Variants in CUL5 observed in about 807,000 individuals in gnomAD.
CUL5 encodes the protein cullin 5.
CUL5 carries 26 observed loss-of-function variants against 108.8 expected under a neutral mutation model. That is an observed-to-expected ratio of 0.24 (90% CI 0.18 to 0.33). The LOEUF (loss-of-function observed/expected upper bound fraction) is 0.33, where lower values mean the gene tolerates loss of function less well. Ranked by LOEUF, CUL5 falls within the 10% of genes least tolerant of loss-of-function variation. The probability of loss-of-function intolerance (pLI) is 1.00; values close to 1 mark genes in which losing one functional copy is unlikely to be tolerated. For synonymous variants in CUL5, 334 were observed against 298.0 expected, an observed-to-expected ratio of 1.12 and a Z score of -1.25; for missense variants, 524 against 909.2, an observed-to-expected ratio of 0.58 and a Z score of 5.45.
intron 1 of CUL5, among the ~76,000 whole-genome samples, chr11:108,018,480 A>G (rs1862254866): frequency 6.6e-6 from 1 of 152,016 alleles, no homozygotes; most frequent in Non-Finnish European, 1.5e-5. Flanking sequence ...CATCCTGGCC[A>G]ACATGGTGAA....
intron 3 of CUL5, among the ~76,000 whole-genome samples, chr11:108,049,183 A>G (rs1863149064): frequency 6.6e-6 from 1 of 152,084 alleles, no homozygotes. Context: ...TGTTGTCCCT[A>G]TGGATATGTC....
At chr11:108,087,533 G>A (rs375400747) in intron 11 of CUL5, among the ~76,000 whole-genome samples, 1 of 152,190 alleles carries the variant, frequency 6.6e-6, no homozygotes, top group Admixed American at 6.5e-5. Flanking sequence ...GCATGCACCT[G>A]TAGTCCCAGC....
chr11:108,067,247 C>G (rs1000949012), intron 7 of CUL5, among the ~76,000 whole-genome samples: 1 of 152,152 alleles, frequency 6.6e-6, no homozygotes, highest in Non-Finnish European at 1.5e-5. Flanking sequence ...TAAAGGATAC[C>G]TGTTATAATA....
intron 14 of CUL5, 36 bp from the exon 15 acceptor site, chr11:108,094,776 T>C: frequency 6.9e-7 from 1 of 1,453,354 alleles, no homozygotes; most frequent in Non-Finnish European, 9.3e-7. Context: ...TATCCATTGT[T>C]AATTTACTTT....
chr11:108,101,738 G>A (rs1246202989), intron 18 of CUL5, among the ~76,000 whole-genome samples: 1 of 152,084 alleles, frequency 6.6e-6, no homozygotes, highest in Non-Finnish European at 1.5e-5. Flanking sequence ...TGGGGACCAG[G>A]GCCAGTGTCC....
At chr11:108,036,759 G>A (rs748580280) in intron 2 of CUL5, among the ~76,000 whole-genome samples, 25 of 152,198 alleles carry the variant, frequency 1.6e-4, no homozygotes, top group African/African-American at 3.4e-4. Flanking sequence ...GATTACAGGC[G>A]TGAGCCACGG....
At chr11:108,025,363 G>T (rs1355792278) in intron 1 of CUL5, among the ~76,000 whole-genome samples, 3 of 152,048 alleles carry the variant, frequency 2.0e-5, no homozygotes, top group Non-Finnish European at 1.5e-5. Context: ...GTCAGACATT[G>T]TGAGTATATG....
chr11:108,052,934 G>A (rs1036335960), intron 5 of CUL5, 133 bp downstream of exon 5: 8 of 625,572 alleles, frequency 1.3e-5, no homozygotes, highest in Non-Finnish European at 1.8e-5. Flanking sequence ...TACTTTTTTT[G>A]AGAGTAAGCA....
chr11:108,017,023 G>T (rs1862210718), intron 1 of CUL5, among the ~76,000 whole-genome samples: 1 of 152,060 alleles, frequency 6.6e-6, no homozygotes, highest in Non-Finnish European at 1.5e-5. Flanking sequence ...TAATATCAAA[G>T]GTAATTGATC....
intron 13 of CUL5, among the ~76,000 whole-genome samples, chr11:108,090,709 ATTAT>A (rs1864331267): frequency 6.6e-6 from 1 of 152,116 alleles, no homozygotes; most frequent in Non-Finnish European, 1.5e-5. Flanking sequence ...TTTTGTTTTA[ATTAT>A]TAAAGTAAAT....
rs996286515 is a variant in CUL5 at position 108,107,132 on chromosome 11, A to G, written c.*2748A>G. ...AATTCTGAAGTCTTCCAATTTTTAC[A>G]TTTATTGGAGGGGTCCCTGAGTTCT... On this transcript the variant is annotated 3_prime_UTR_variant, in exon 19 of 19. Transcript: ENST00000393094. 1.3e-5 allele frequency: 2 copies of G among 151,938 alleles called. No homozygotes were observed. The highest frequency in any genetic ancestry group is 4.8e-5 in the African/African-American group (2 of 41,364). 9.4% of individuals were successfully genotyped at this position (151,938 alleles called of 1,614,324 possible). A position where few individuals can be genotyped will look rare whatever the true frequency, so the allele number is the denominator to read the frequency against.
intron 7 of CUL5, among the ~76,000 whole-genome samples, chr11:108,060,458 A>C (rs1863505065): frequency 6.6e-6 from 1 of 152,224 alleles, no homozygotes; most frequent in South Asian, 2.1e-4. Flanking sequence ...ACAGAGCTAT[A>C]TAACTAATGA....
intron 1 of CUL5, among the ~76,000 whole-genome samples, chr11:108,020,065 G>A (rs1261221335): frequency 6.6e-6 from 1 of 152,028 alleles, no homozygotes; most frequent in Non-Finnish European, 1.5e-5. Flanking sequence ...ATCTGTACAT[G>A]AGGGATCCAC....
intron 14 of CUL5, 79 bp from the exon 15 acceptor site, chr11:108,094,733 C>G (rs1864446693): frequency 6.0e-6 from 7 of 1,162,746 alleles, no homozygotes; most frequent in Non-Finnish European, 4.8e-6. Flanking sequence ...ATTGATTTTT[C>G]ACCCAAAGTT....
intron 7 of CUL5, among the ~76,000 whole-genome samples, chr11:108,068,878 C>G (rs1224259916): frequency 6.6e-6 from 1 of 152,144 alleles, no homozygotes; most frequent in Non-Finnish European, 1.5e-5. Flanking sequence ...ACCACCCACT[C>G]CTTACCACCT....
At chr11:108,056,575 G>A (rs1354316972) in intron 7 of CUL5, among the ~76,000 whole-genome samples, 2 of 152,146 alleles carry the variant, frequency 1.3e-5, no homozygotes, top group African/African-American at 4.8e-5. Flanking sequence ...TCTTTATAGT[G>A]ATATAAATTC....
chr11:108,015,453 A>AT (rs1268159630), intron 1 of CUL5, among the ~76,000 whole-genome samples: 1 of 152,232 alleles, frequency 6.6e-6, no homozygotes, highest in Non-Finnish European at 1.5e-5. Flanking sequence ...TTAAACATAA[A>AT]TGAGAACCTT....
chr11:108,073,317 T>G, intron 9 of CUL5, 73 bp from the exon 10 acceptor site: 3 of 689,794 alleles, frequency 4.3e-6, no homozygotes, highest in Non-Finnish European at 7.2e-6. Flanking sequence ...TTATTAAAAT[T>G]ATGTTTATTT....
At chr11:108,075,113 C>G (rs776462900) in intron 10 of CUL5, among the ~76,000 whole-genome samples, 9 of 150,940 alleles carry the variant, frequency 6.0e-5, no homozygotes, top group Non-Finnish European at 1.2e-4. Context: ...CAGTTAAGAA[C>G]TTATTTAAAT....
Sources: gnomAD v4.1 joint callset for allele counts (sites outside exome capture counted in the v4.1 genomes callset) on GRCh38, gnomAD v4.1.1 for gene constraint, MANE v1.5 for transcripts, NCBI Gene and HGNC (gene_info 2026-07-23, HGNC 2026-07-21) for gene names.